The following EPAS1 variants were observed in gnomAD, a reference collection of about 807,000 sequenced individuals.
The protein encoded by EPAS1 is endothelial PAS domain-containing protein 1.
Under a neutral mutation model 87.9 loss-of-function variants are expected in EPAS1, and 23 were observed. The observed-to-expected ratio is 0.26, with a 90% confidence interval of 0.19 to 0.37. EPAS1 has a LOEUF of 0.37. Ranked by LOEUF, EPAS1 falls within the 10% of genes least tolerant of loss-of-function variation. The pLI, the probability that EPAS1 is intolerant of heterozygous loss-of-function variation, is 1.00. For missense variants in EPAS1, 1,138 were observed against 1,120.7 expected (o/e 1.02, Z -0.22); for synonymous variants, 508 against 444.3 (o/e 1.14, Z -1.80).
intron 2 of EPAS1, among the ~76,000 whole-genome samples, chr2:46,349,649 C>T (rs2103619127): frequency 6.6e-6 from 1 of 152,332 alleles, no homozygotes; most frequent in South Asian, 2.1e-4. Context: ...TCCTGATGTC[C>T]TTGAAGGAGA....
At chr2:46,372,749 A>C (rs1056816474) in intron 7 of EPAS1, among the ~76,000 whole-genome samples, 1 of 152,264 alleles carries the variant, frequency 6.6e-6, no homozygotes, top group Admixed American at 6.5e-5. Context: ...CTTGCCTGCA[A>C]TTGTTAGAAA....
intron 6 of EPAS1, among the ~76,000 whole-genome samples, chr2:46,364,056 CTT>C (rs2103643245): frequency 6.6e-6 from 1 of 152,302 alleles, no homozygotes; most frequent in Non-Finnish European, 1.5e-5. Context: ...TGTTTTCACT[CTT>C]TGTGGTGGGA....
chr2:46,311,407 C>A (rs1007908061), intron 1 of EPAS1, among the ~76,000 whole-genome samples: 3 of 152,170 alleles, frequency 2.0e-5, no homozygotes, highest in Non-Finnish European at 4.4e-5. Flanking sequence ...CAGGAAAAGA[C>A]TGCAGGTGCC....
chr2:46,343,547 A>G, intron 1 of EPAS1, among the ~76,000 whole-genome samples: 1 of 152,258 alleles, frequency 6.6e-6, no homozygotes, highest in South Asian at 2.1e-4. Context: ...CATCTATTAA[A>G]TGGAGATGAT....
At chr2:46,377,670 A>G (rs1434712070) in intron 9 of EPAS1, among the ~76,000 whole-genome samples, 1 of 152,168 alleles carries the variant, frequency 6.6e-6, no homozygotes, top group African/African-American at 2.4e-5. Flanking sequence ...TGAAAATTAA[A>G]TGTCCCAGGA....
chr2:46,356,313 CCTCTAT>C lies in EPAS1; in HGVS notation c.369+16_369+21del. ...ATGGGACTTACACAGGTGACACCCT[CCTCTAT>C]CTCTTTCAAAAGAAGAAATGTTTCC... On this transcript the variant is annotated intron_variant, in intron 3 of 15. Transcript: ENST00000263734. 1 of 1,614,154 alleles carries C rather than the reference CCTCTAT, an allele frequency of 6.2e-7. No homozygotes were observed. The highest frequency in any genetic ancestry group is 1.1e-5 in the South Asian group (1 of 91,074).
chr2:46,313,719 G>A (rs2104843847), intron 1 of EPAS1, among the ~76,000 whole-genome samples: 2 of 152,284 alleles, frequency 1.3e-5, no homozygotes, highest in East Asian at 3.9e-4. Context: ...CCAAAGTGCT[G>A]GGATTACAGG....
Position 46,384,827 on chromosome 2 carries a change from G to A in EPAS1, c.*167G>A. The A allele has an allele frequency of 1.3e-6, 1 of 763,236 alleles. No homozygotes were observed. Among genetic ancestry groups the A allele is most frequent in the South Asian group, 1.7e-5 (1 of 60,106 alleles). The allele number at this position is 763,236 out of a possible 1,614,324, so 47.3% of individuals were successfully genotyped here. On this transcript the variant is annotated 3_prime_UTR_variant, in exon 16 of 16. Transcript: ENST00000263734. The stretch of plus-strand genomic sequence containing the variant: ...CCAAGCAGTGGCCTTTTTCTGAGAT[G>A]CTCACTTTATTATCCCTATTTTTAA...
At chr2:46,365,435 GT>G (rs1353385096) in intron 6 of EPAS1, among the ~76,000 whole-genome samples, 1 of 152,146 alleles carries the variant, frequency 6.6e-6, no homozygotes, top group Non-Finnish European at 1.5e-5. Flanking sequence ...ATGGTGAATT[GT>G]TTTTCTACAA....
In EPAS1 at chr2:46,376,734, C is replaced by T; in HGVS notation, c.1230C>T (p.Ala410=). Residue 410 remains alanine (A), a synonymous_variant, in exon 9 of 16, where the codon GCC becomes GCT. Coordinates refer to ENST00000263734, the MANE Select transcript of EPAS1 (RefSeq NM_001430.5). ...AGCTGGCTCCCACCCCAGGAGACGC[C>T]ATCATCTCTCTGGATTTCGGTGGGT... ...LAQLAPTPGD[A]IISLDFGNQN... The T allele has an allele frequency of 6.2e-7, 1 of 1,612,604 alleles. No individual in the cohort carries two copies. Among genetic ancestry groups the T allele is most frequent in the East Asian group, 2.2e-5 (1 of 44,878 alleles).
At chr2:46,312,060 G>T (rs1683220062) in intron 1 of EPAS1, among the ~76,000 whole-genome samples, 1 of 152,198 alleles carries the variant, frequency 6.6e-6, no homozygotes, top group African/African-American at 2.4e-5. Context: ...TCTTGAGTTA[G>T]ATCTTCAGGG....
intron 6 of EPAS1, among the ~76,000 whole-genome samples, chr2:46,362,953 A>AGTGGTGGTGGTG (rs1159555840): frequency 3.8e-5 from 3 of 78,032 alleles, no homozygotes; most frequent in Non-Finnish European, 5.1e-5. Context: ...TGTAATTGTT[A>AGTGGTGGTGGTG]GTGGTGGTGG....
chr2:46,378,098 C>G lies in EPAS1; in HGVS notation c.1443+11C>G. On this transcript the variant is annotated intron_variant, in intron 10 of 15. Transcript: ENST00000263734. ...AGCAGCTGCTCCACGGTGAGCAGCC[C>G]TCTTATGGCGAGGACACAGAGAGGG... The G allele has an allele frequency of 1.3e-6, 2 of 1,591,148 alleles. No individual in the cohort carries two copies. Among genetic ancestry groups the G allele is most frequent in the Non-Finnish European group, 1.7e-6 (2 of 1,170,090 alleles).
chr2:46,380,402 T>C lies in EPAS1; in HGVS notation c.1730T>C (p.Val577Ala), dbSNP rs1378303362. ...MTNIFQPLAP[V>A]APHSPFLLDK... ...AACATCTTCCAGCCACTGGCCCCTG[T>C]AGCCCCGCACAGTCCCTTCCTCCTG... The change falls in exon 12 of 16, where the codon GTA becomes GCA. Residue 577 changes from valine (V) to alanine (A), a missense_variant. Val to Ala is a moderately conservative substitution (Grantham distance 64, BLOSUM62 0). Around this residue, in one of 4 missense-constraint regions of EPAS1, gnomAD observed 502 missense variants for 427.1 expected, o/e 1.18. Transcript: ENST00000263734. The surrounding 1 kb of genome is among the most constrained non-coding windows in gnomAD (Gnocchi z 4.4). The C allele has an allele frequency of 1.1e-5, 18 of 1,614,006 alleles. No individual in the cohort carries two copies. Among genetic ancestry groups the C allele is most frequent in the Non-Finnish European group, 1.5e-5 (18 of 1,180,008 alleles).
At chr2:46,333,143 G>A (rs1042727877) in intron 1 of EPAS1, among the ~76,000 whole-genome samples, 2 of 152,098 alleles carry the variant, frequency 1.3e-5, no homozygotes, top group Admixed American at 6.5e-5. Flanking sequence ...ACCATCACTC[G>A]CCTTTATTAA....
intron 1 of EPAS1, among the ~76,000 whole-genome samples, chr2:46,321,530 T>C (rs1362426006): frequency 6.6e-6 from 1 of 152,228 alleles, no homozygotes; most frequent in East Asian, 1.9e-4. Context: ...CTGCTAACAC[T>C]TGTTATTTTC....
chr2:46,360,624 C>A lies in EPAS1; in HGVS notation c.455-14C>A. The A allele has an allele frequency of 6.2e-7, 1 of 1,610,466 alleles. No individual in the cohort carries two copies. The highest frequency in any genetic ancestry group is 8.5e-7 in the Non-Finnish European group (1 of 1,176,828). On this transcript the variant is annotated splice_polypyrimidine_tract_variant and intron_variant, in intron 4 of 15. Coordinates refer to ENST00000263734, the MANE Select transcript of EPAS1 (RefSeq NM_001430.5). The surrounding 1 kb of genome is among the most constrained non-coding windows in gnomAD (Gnocchi z 4.5). ...ACTGACTTCAGCTGGTTCTTCCCAT[C>A]CTTCCACATCCAGGCTCTGGTTTTG...
chr2:46,301,751 A>G (rs898336271), intron 1 of EPAS1, among the ~76,000 whole-genome samples: 6 of 151,762 alleles, frequency 4.0e-5, no homozygotes, highest in Non-Finnish European at 7.4e-5. Flanking sequence ...CCTTATAGAA[A>G]GGAGATTTGC....
chr2:46,381,849 G>C (rs1684900826), intron 13 of EPAS1, 126 bp from the exon 14 acceptor site: 2 of 1,550,062 alleles, frequency 1.3e-6, no homozygotes. Flanking sequence ...GCTGCTGAGA[G>C]GGGTGGGGAT....
Sources: gnomAD v4.1 joint callset for allele counts (sites outside exome capture counted in the v4.1 genomes callset) on GRCh38, gnomAD v4.1.1 for gene constraint, gnomAD v4.1.1 regional missense constraint, Gnocchi (gnomAD v3.1) non-coding constraint, MANE v1.5 for transcripts, NCBI Gene and HGNC (gene_info 2026-07-23, HGNC 2026-07-21) for gene names.